PCDHGA1: variants seen among roughly 807,000 people sequenced by gnomAD.
PCDHGA1 encodes the protein protocadherin gamma subfamily A, 1.
PCDHGA1 carries 32 observed loss-of-function variants against 58.0 expected under a neutral mutation model. The observed-to-expected ratio is 0.55, with a 90% CI of 0.42 to 0.74. PCDHGA1 has a LOEUF of 0.74. PCDHGA1 is among the 30% of genes least tolerant of loss of function. PCDHGA1 has a pLI of 0.00. For synonymous variants in PCDHGA1, 498 were observed against 501.1 expected (o/e 0.99, Z 0.08); for missense variants, 1,205 against 1,182.3 (o/e 1.02, Z -0.28).
intron 2 of PCDHGA1, among the ~76,000 whole-genome samples, chr5:141,502,496 C>T (rs934563545): frequency 2.0e-5 from 3 of 152,178 alleles, no homozygotes; most frequent in Admixed American, 6.5e-5. Context: ...ACTCATCTAA[C>T]GTCGGCCTGT....
At chr5:141,421,148 G>A (rs1334539595) in intron 1 of PCDHGA1, 2 of 1,056,062 alleles carry the variant, frequency 1.9e-6, no homozygotes, top group African/African-American at 1.6e-5. Context: ...GATGTAGTCG[G>A]CCTAGGACTT....
chr5:141,510,582 A>G (rs1156375287), intron 3 of PCDHGA1, among the ~76,000 whole-genome samples: 2 of 152,166 alleles, frequency 1.3e-5, no homozygotes, highest in Non-Finnish European at 2.9e-5. Context: ...TATTTTACGT[A>G]CCTGACATAC....
chr5:141,339,417 GA>G, intron 1 of PCDHGA1: 1 of 1,614,236 alleles, frequency 6.2e-7, no homozygotes, highest in Non-Finnish European at 8.5e-7. Context: ...ACTACGCCAG[GA>G]TTCCGGATTC....
chr5:141,409,060 G>C (rs1464240645), intron 1 of PCDHGA1: 1 of 1,614,000 alleles, frequency 6.2e-7, no homozygotes, highest in Non-Finnish European at 8.5e-7. Flanking sequence ...GCACTGCCCA[G>C]AGCACAAAAC....
At position 141,408,870 on chromosome 5, in the gene PCDHGA1, G is replaced by C. The variant is rs780987841; in HGVS notation, c.2421+75765G>C. ...TTGGACGGAGGGGACCCACCAAGAAGTGCCACCGCTCACATAGAAATTTCT... is the reference window on the plus strand; with the variant it reads ...TTGGACGGAGGGGACCCACCAAGAACTGCCACCGCTCACATAGAAATTTCT... On this transcript the variant is annotated intron_variant, in intron 1 of 3. Coordinates refer to ENST00000517417, the MANE Select transcript of PCDHGA1 (RefSeq NM_018912.3). The C allele has an allele frequency of 1.2e-6, 2 of 1,613,656 alleles. No homozygotes were observed. Among genetic ancestry groups the C allele is most frequent in the South Asian group, 1.1e-5 (1 of 91,026 alleles).
intron 1 of PCDHGA1, chr5:141,392,432 T>C (rs2092535052): frequency 6.2e-6 from 1 of 160,182 alleles, no homozygotes; most frequent in African/African-American, 2.4e-5. Flanking sequence ...ATTCTTTGGC[T>C]GTTTCTTTTA....
chr5:141,370,217 G>A, intron 1 of PCDHGA1: 2 of 562,852 alleles, frequency 3.6e-6, no homozygotes, highest in East Asian at 5.9e-5. Context: ...GGCTCCTCCC[G>A]CTGCAGCCAG....
chr5:141,374,658 C>T (rs760635815), intron 1 of PCDHGA1: 1 of 1,611,764 alleles, frequency 6.2e-7, no homozygotes, highest in Non-Finnish European at 8.5e-7. Flanking sequence ...CCCAAGTACC[C>T]GGAGCTGGTG....
chr5:141,399,773 G>A (rs750173338), intron 1 of PCDHGA1: 3 of 1,613,302 alleles, frequency 1.9e-6, no homozygotes, highest in Admixed American at 1.7e-5. Flanking sequence ...GTGTTGGTGG[G>A]CGACCGAAAC....
chr5:141,398,576 C>T (rs1257000620), intron 1 of PCDHGA1: 4 of 1,613,968 alleles, frequency 2.5e-6, no homozygotes, highest in Non-Finnish European at 1.7e-6. Flanking sequence ...CAGCCTGGCA[C>T]AAGATTTATA....
At chr5:141,455,186 C>T (rs1436215310) in intron 1 of PCDHGA1, among the ~76,000 whole-genome samples, 3 of 151,542 alleles carry the variant, frequency 2.0e-5, no homozygotes, top group Non-Finnish European at 2.9e-5. Context: ...TTTTATTTCT[C>T]TACAAATTTA....
At chr5:141,449,588 CAAAAAAA>C (rs768743917) in intron 1 of PCDHGA1, among the ~76,000 whole-genome samples, 5 of 57,506 alleles carry the variant, frequency 8.7e-5, no homozygotes, top group Admixed American at 3.6e-4. Flanking sequence ...GACTCTGTCT[CAAAAAAA>C]AAAAAAAAAA....
chr5:141,362,293 A>G lies in PCDHGA1; in HGVS notation c.2421+29188A>G, dbSNP rs1303338188. On this transcript the variant is annotated intron_variant, in intron 1 of 3. Coordinates refer to ENST00000517417, the MANE Select transcript of PCDHGA1 (RefSeq NM_018912.3). ...CTCCCTGCGCCTGCGACTCTCTTCC[A>G]GGTCAGATGCTTGGGACTGTTTTCA... The G allele has an allele frequency of 2.5e-6, 4 of 1,614,028 alleles. No individual in the cohort carries two copies. The South Asian group carries it at 3.3e-5, about 13-fold the overall frequency.
At position 141,485,291 on chromosome 5, in the gene PCDHGA1, C is replaced by A. The variant is rs114678203; in HGVS notation, c.2422-9516C>A. 436 of 1,614,150 alleles carry A rather than the reference C, an allele frequency of 2.7e-4. No homozygotes were observed. Among genetic ancestry groups the A allele is most frequent in the Middle Eastern group, 8.2e-4 (5 of 6,062 alleles). Reference sequence around the variant, plus strand: ...CCGCTACCCGGTCCCAGAGGAGTCACAGGAAGGGACTTTTGTAGGGAATGT... The same window carrying A: ...CCGCTACCCGGTCCCAGAGGAGTCAAAGGAAGGGACTTTTGTAGGGAATGT... On this transcript the variant is annotated intron_variant, in intron 1 of 3. Coordinates refer to ENST00000517417, the MANE Select transcript of PCDHGA1 (RefSeq NM_018912.3). The surrounding 1 kb of genome is among the most constrained non-coding windows in gnomAD (Gnocchi z 5.7).
chr5:141,356,644 G>A, intron 1 of PCDHGA1: 10 of 1,614,084 alleles, frequency 6.2e-6, no homozygotes, highest in Non-Finnish European at 8.5e-6. Flanking sequence ...CCCTGACAGT[G>A]GTGACAATGC....
intron 1 of PCDHGA1, chr5:141,365,786 C>G (rs1446985601): frequency 1.2e-6 from 2 of 1,613,932 alleles, no homozygotes; most frequent in East Asian, 2.2e-5. Flanking sequence ...CGACAACGCT[C>G]GAGTCACCTA....
rs374095590 is a variant in PCDHGA1, at chr5:141,431,523, T to C, written c.2422-63284T>C. On this transcript the variant is annotated intron_variant, in intron 1 of 3. Coordinates refer to ENST00000517417, the MANE Select transcript of PCDHGA1 (RefSeq NM_018912.3). This position sits in a 1 kb window ranked among gnomAD's most constrained non-coding sequence, Gnocchi z 4.8. ...TACCGCGCGAGCGTTCCGGAGAATC[T>C]GGCCTTGGGCACGCAGCTGCTTGTA... 13 of 1,613,952 alleles carry C rather than the reference T, an allele frequency of 8.1e-6. No homozygotes were observed. The African/African-American group carries it at 1.5e-4, about 18-fold the overall frequency.
chr5:141,374,478 G>A (rs781173070), intron 1 of PCDHGA1: 6 of 1,611,820 alleles, frequency 3.7e-6, no homozygotes, highest in Non-Finnish European at 5.1e-6. Context: ...AATACACCCC[G>A]ATTCTTAAAG....
intron 1 of PCDHGA1, chr5:141,372,311 C>T (rs1768644192): frequency 1.2e-6 from 2 of 1,613,416 alleles, no homozygotes; most frequent in South Asian, 2.2e-5. Flanking sequence ...AGGCCGCCCG[C>T]CAGCGCCTGC....
Sources: gnomAD v4.1 joint callset for allele counts (sites outside exome capture counted in the v4.1 genomes callset) on GRCh38, gnomAD v4.1.1 for gene constraint, Gnocchi (gnomAD v3.1) non-coding constraint, MANE v1.5 for transcripts, NCBI Gene and HGNC (gene_info 2026-07-23, HGNC 2026-07-21) for gene names.